SH3BGR: variants seen among roughly 807,000 people sequenced by gnomAD.
SH3BGR encodes SH3 domain-binding glutamic acid-rich protein.
A neutral mutation model predicts 24.5 loss-of-function variants in SH3BGR; 29 were observed. The ratio of observed to expected loss-of-function variants is 1.18; its 90% confidence interval spans 0.88 to 1.61. SH3BGR has a LOEUF of 1.61. Among genes scored for constraint, SH3BGR ranks in the 40% most tolerant of loss-of-function variants. The probability of loss-of-function intolerance (pLI) is 0.00; values close to 1 mark genes in which losing one functional copy is unlikely to be tolerated. For synonymous variants in SH3BGR, 55 were observed against 65.7 expected (o/e 0.84, Z 0.79); for missense variants, 162 against 205.8 (o/e 0.79, Z 1.30).
At chr21:39,499,205 TG>T (rs2078448360) in intron 3 of SH3BGR, among the ~76,000 whole-genome samples, 1 of 146,084 alleles carries the variant, frequency 6.8e-6, no homozygotes, top group South Asian at 2.2e-4. Context: ...GAGATTTGAG[TG>T]GGGACACAAA....
chr21:39,487,945 T>C (rs1329068541), intron 3 of SH3BGR, among the ~76,000 whole-genome samples: 1 of 152,188 alleles, frequency 6.6e-6, no homozygotes, highest in Non-Finnish European at 1.5e-5. Context: ...GAACATTTGT[T>C]GAGAAGCATA....
intron 2 of SH3BGR, among the ~76,000 whole-genome samples, chr21:39,471,153 C>A: frequency 6.7e-6 from 1 of 149,518 alleles, no homozygotes; most frequent in East Asian, 2.0e-4. Flanking sequence ...TTCTTCTTCC[C>A]CTCTCTCTGG....
At chr21:39,451,253 C>T (rs1373294666), upstream of SH3BGR, among the ~76,000 whole-genome samples, 4 of 152,002 alleles carry the variant, frequency 2.6e-5, no homozygotes, top group African/African-American at 9.7e-5. Flanking sequence ...TGGTTTTTTC[C>T]CCAAGCACTT....
In SH3BGR at chr21:39,501,211, A is replaced by G. The variant is rs574691857; in HGVS notation, c.405+1296A>G. On this transcript the variant is annotated intron_variant, in intron 4 of 6. Coordinates refer to ENST00000333634, the MANE Select transcript of SH3BGR (RefSeq NM_007341.3). ...AAGTTGAGTTTGCTTCTTTTAAGAC[A>G]TAGAGACAAAGATGAAAAGCATTAC... Among the ~76,000 whole-genome samples, 15 of 152,340 alleles carry G rather than the reference A, an allele frequency of 9.8e-5. No individual in the cohort carries two copies. In the East Asian group the frequency reaches 1.7e-3, roughly 18 times the overall value.
intron 1 of SH3BGR, among the ~76,000 whole-genome samples, chr21:39,460,873 G>A (rs927534236): frequency 5.3e-5 from 8 of 151,724 alleles, no homozygotes; most frequent in Admixed American, 2.6e-4. Context: ...CTGTAACCTC[G>A]AACTCCTGGG....
At chr21:39,467,262 T>TG (rs200674502) in intron 2 of SH3BGR, among the ~76,000 whole-genome samples, 609 of 152,196 alleles carry the variant, frequency 4.0e-3, no homozygotes, top group Middle Eastern at 0.014. Context: ...CTAGTAATTT[T>TG]TTTTTCATTT....
At chr21:39,498,274 G>A (rs778652135) in intron 3 of SH3BGR, among the ~76,000 whole-genome samples, 28 of 152,154 alleles carry the variant, frequency 1.8e-4, no homozygotes, top group South Asian at 4.1e-4. Flanking sequence ...CAGGAGGGTG[G>A]GATTGGAGGG....
chr21:39,469,242 C>T (rs2077896472), intron 2 of SH3BGR, among the ~76,000 whole-genome samples: 1 of 150,726 alleles, frequency 6.6e-6, no homozygotes, highest in South Asian at 2.1e-4. Context: ...ATAAGATATT[C>T]TTAAGACCTG....
intron 4 of SH3BGR, among the ~76,000 whole-genome samples, chr21:39,500,530 T>C (rs1288527815): frequency 6.6e-6 from 1 of 151,776 alleles, no homozygotes; most frequent in African/African-American, 2.4e-5. Context: ...GCTGACATAA[T>C]AGGGGATGGG....
chr21:39,487,551 C>A (rs1486389692), intron 3 of SH3BGR, among the ~76,000 whole-genome samples: 2 of 152,198 alleles, frequency 1.3e-5, no homozygotes, highest in Non-Finnish European at 2.9e-5. Context: ...CTCATGGGAA[C>A]CACATTAGGA....
At chr21:39,485,878 CG>C (rs2078204334) in intron 3 of SH3BGR, among the ~76,000 whole-genome samples, 1 of 151,796 alleles carries the variant, frequency 6.6e-6, no homozygotes, top group African/African-American at 2.4e-5. Flanking sequence ...TTAGTAGAGA[CG>C]GGGTTTCACT....
intron 3 of SH3BGR, among the ~76,000 whole-genome samples, chr21:39,490,520 T>G (rs2078281605): frequency 6.6e-6 from 1 of 152,200 alleles, no homozygotes; most frequent in South Asian, 2.1e-4. Flanking sequence ...ATTAGGCACA[T>G]TTGTATTTAT....
chr21:39,477,006 T>C (rs1425673773), intron 3 of SH3BGR, among the ~76,000 whole-genome samples: 1 of 152,162 alleles, frequency 6.6e-6, no homozygotes, highest in Non-Finnish European at 1.5e-5. Flanking sequence ...AGGAATCATG[T>C]CTTCCTTATT....
chr21:39,485,864 T>A (rs2078204040), intron 3 of SH3BGR, among the ~76,000 whole-genome samples: 1 of 151,856 alleles, frequency 6.6e-6, no homozygotes, highest in Non-Finnish European at 1.5e-5. Flanking sequence ...ATTTTTTGTG[T>A]TTTTTAGTAG....
At chr21:39,476,448 G>A (rs993122972) in intron 3 of SH3BGR, among the ~76,000 whole-genome samples, 1 of 152,172 alleles carries the variant, frequency 6.6e-6, no homozygotes, top group Non-Finnish European at 1.5e-5. Flanking sequence ...TAGTGAGAAC[G>A]AGGGACTATG....
intron 3 of SH3BGR, among the ~76,000 whole-genome samples, chr21:39,492,466 G>GTGTGTGTGTATATATA (rs1404293146): frequency 2.9e-5 from 4 of 139,786 alleles, no homozygotes; most frequent in African/African-American, 1.1e-4. Context: ...GTGTGTGTGT[G>GTGTGTGTGTATATATA]TATATATATA....
chr21:39,489,716 T>G (rs1385822025), intron 3 of SH3BGR, among the ~76,000 whole-genome samples: 1 of 152,196 alleles, frequency 6.6e-6, no homozygotes, highest in African/African-American at 2.4e-5. Context: ...GGTGCAAGAG[T>G]AATTGCGGTT....
rs1422073909 is a variant in SH3BGR at position 39,511,323 on chromosome 21, T to C, written c.436-357T>C. ...GGTATATGTGATGTGGTGTGTGGGG[T>C]GTGTGGTCTGGTGTGTGTGTGTGCT... is the stretch of plus-strand genomic sequence containing the variant. On this transcript the variant is annotated intron_variant, in intron 5 of 6. Transcript: ENST00000333634. The surrounding 1 kb of genome is among the most constrained non-coding windows in gnomAD (Gnocchi z 4.2). 2.0e-5 allele frequency among the ~76,000 whole-genome samples: 3 copies of C among 150,110 alleles called. No individual in the cohort carries two copies. The highest frequency in any genetic ancestry group is 7.4e-5 in the African/African-American group (3 of 40,808).
intron 3 of SH3BGR, among the ~76,000 whole-genome samples, chr21:39,499,244 C>T (rs1020467468): frequency 1.3e-5 from 1 of 75,500 alleles, no homozygotes; most frequent in African/African-American, 2.9e-5. Flanking sequence ...TCCATCCATC[C>T]ACCTATCTAT....
Sources: gnomAD v4.1 joint callset for allele counts (sites outside exome capture counted in the v4.1 genomes callset) on GRCh38, gnomAD v4.1.1 for gene constraint, Gnocchi (gnomAD v3.1) non-coding constraint, MANE v1.5 for transcripts, NCBI Gene and HGNC (gene_info 2026-07-23, HGNC 2026-07-21) for gene names.